The following CAMTA1 variants were observed in gnomAD, a reference collection of about 807,000 sequenced individuals.
CAMTA1 encodes calmodulin-binding transcription activator 1.
In CAMTA1, 27 loss-of-function variants were observed where a neutral mutation model predicts 170.9. The observed-to-expected ratio is 0.16, with a 90% confidence interval of 0.12 to 0.22. The LOEUF is 0.22. Ranked by LOEUF, CAMTA1 falls within the 10% of genes least tolerant of loss-of-function variation. The probability of loss-of-function intolerance (pLI) is 1.00; values close to 1 mark genes in which losing one functional copy is unlikely to be tolerated. For synonymous variants in CAMTA1, 833 were observed against 891.5 expected, an observed-to-expected ratio of 0.93 and a Z score of 1.17; for missense variants, 1,619 against 2,217.2, an observed-to-expected ratio of 0.73 and a Z score of 5.42.
intron 5 of CAMTA1, among the ~76,000 whole-genome samples, chr1:7,450,483 G>A (rs1486888120): frequency 1.3e-5 from 2 of 152,230 alleles, no homozygotes; most frequent in Non-Finnish European, 2.9e-5. Context: ...GATGGAAGGG[G>A]CCTCTGCAGC....
chr1:7,253,296 C>T (rs1666894151), intron 5 of CAMTA1, among the ~76,000 whole-genome samples: 3 of 152,214 alleles, frequency 2.0e-5, no homozygotes, highest in Admixed American at 6.5e-5. Flanking sequence ...GCTTTGTGGT[C>T]GGATGAGCTG....
intron 11 of CAMTA1, among the ~76,000 whole-genome samples, chr1:7,724,541 T>C (rs2096670490): frequency 6.6e-6 from 1 of 152,106 alleles, no homozygotes; most frequent in African/African-American, 2.4e-5. Flanking sequence ...TTCAAAAGAT[T>C]GCATGTATGG....
intron 4 of CAMTA1, among the ~76,000 whole-genome samples, chr1:7,122,571 A>G (rs995097359): frequency 1.3e-5 from 2 of 152,166 alleles, no homozygotes; most frequent in African/African-American, 4.8e-5. Flanking sequence ...GTCCACCAGC[A>G]TGCCGTCTGA....
intron 7 of CAMTA1, among the ~76,000 whole-genome samples, chr1:7,655,295 C>CACA (rs540045167): frequency 0.081 from 11,749 of 145,944 alleles, 641 homozygotes; most frequent in Non-Finnish European, 0.12. Context: ...CACACACACA[C>CACA]CTATACACAC....
intron 6 of CAMTA1, among the ~76,000 whole-genome samples, chr1:7,557,308 G>GAAA (rs34354980): frequency 1.6e-5 from 2 of 128,844 alleles, no homozygotes; most frequent in Admixed American, 7.9e-5. Context: ...ACTCCGTTCA[G>GAAA]AAAAAAAAAA....
In CAMTA1 at chr1:7,224,123, C is replaced by G. The variant is rs200754073; in HGVS notation, c.303-25368C>G. ...TGGGGCACCTTAACGTTTGTAGCAC[C>G]TTTACATAAAGCCAGAGTGCTCAAG... On this transcript the variant is annotated intron_variant, in intron 4 of 22. Coordinates refer to ENST00000303635, the MANE Select transcript of CAMTA1 (RefSeq NM_015215.4). This position sits in a 1 kb window ranked among gnomAD's most constrained non-coding sequence, Gnocchi z 5.2. 1.6e-4 allele frequency among the ~76,000 whole-genome samples: 24 copies of G among 152,308 alleles called. No individual in the cohort carries two copies. In the East Asian group the frequency reaches 4.6e-3, roughly 29 times the overall value.
At chr1:7,000,781 T>C (rs1183237033) in intron 3 of CAMTA1, among the ~76,000 whole-genome samples, 2 of 151,670 alleles carry the variant, frequency 1.3e-5, no homozygotes, top group Non-Finnish European at 3.0e-5. Context: ...TTCTGGTGAC[T>C]TCTAATGGGC....
At chr1:7,015,558 C>A (rs565098750) in intron 3 of CAMTA1, among the ~76,000 whole-genome samples, 1 of 152,264 alleles carries the variant, frequency 6.6e-6, no homozygotes, top group East Asian at 1.9e-4. Flanking sequence ...GTTAAATTGA[C>A]GTTTTTGGGG....
chr1:6,900,526 A>G (rs1000423713), intron 3 of CAMTA1, among the ~76,000 whole-genome samples: 3 of 152,164 alleles, frequency 2.0e-5, no homozygotes, highest in Non-Finnish European at 4.4e-5. Context: ...TGCAAACAAC[A>G]TGATTATGAA....
chr1:7,730,791 T>G (rs2096726184), intron 11 of CAMTA1, among the ~76,000 whole-genome samples: 1 of 151,998 alleles, frequency 6.6e-6, no homozygotes, highest in Non-Finnish European at 1.5e-5. Flanking sequence ...CCCAGCTACT[T>G]GGGTGGCTGA....
chr1:7,060,304 C>G (rs944346639), intron 3 of CAMTA1, among the ~76,000 whole-genome samples: 1 of 152,230 alleles, frequency 6.6e-6, no homozygotes, highest in Non-Finnish European at 1.5e-5. Context: ...ACGGTGTCTT[C>G]TTGCCCTGTC....
chr1:7,217,776 G>C (rs6693822), intron 4 of CAMTA1, among the ~76,000 whole-genome samples: 149,169 of 152,304 alleles, frequency 0.98, 73,071 homozygotes, highest in East Asian at 1. Flanking sequence ...GCTTATACAA[G>C]CATCACTGAG....
At chr1:7,328,500 A>G (rs2082830157) in intron 5 of CAMTA1, among the ~76,000 whole-genome samples, 1 of 152,160 alleles carries the variant, frequency 6.6e-6, no homozygotes, top group South Asian at 2.1e-4. Flanking sequence ...GTCTCAATAA[A>G]TAAATAAATA....
rs1372890350 is a variant in CAMTA1 at position 7,680,814 on chromosome 1, G to GA, written c.2914+3081_2914+3082insA. Among the ~76,000 whole-genome samples, 18 of 45,662 alleles carry GA rather than the reference G, an allele frequency of 3.9e-4. No homozygotes were observed. Among genetic ancestry groups the GA allele is most frequent in the African/African-American group, 7.7e-4 (10 of 12,966 alleles). The allele number at this position is 45,662 out of a possible 152,430, so 30.0% of individuals were successfully genotyped here. Reference sequence around the variant, plus strand: ...TTGTTTGCTTGGCTAAAGGCCGGGGGGGGGCGTGGGTCCGGGGCGCAGAGA... The same window carrying GA: ...TTGTTTGCTTGGCTAAAGGCCGGGGGAGGGGCGTGGGTCCGGGGCGCAGAGA... On this transcript the variant is annotated intron_variant, in intron 11 of 22. Transcript: ENST00000303635. This position sits in a 1 kb window ranked among gnomAD's most constrained non-coding sequence, Gnocchi z 4.4.
intron 3 of CAMTA1, among the ~76,000 whole-genome samples, chr1:7,039,583 G>A (rs1182190412): frequency 1.3e-5 from 2 of 152,156 alleles, no homozygotes; most frequent in East Asian, 1.9e-4. Context: ...TATGTGGGGC[G>A]ATTTATCTCA....
rs548326866 is a variant in CAMTA1, at chr1:7,351,092, G to A, written c.438+101466G>A. Among the ~76,000 whole-genome samples the A allele has an allele frequency of 7.2e-5, 11 of 152,312 alleles. No homozygotes were observed. The South Asian group carries it at 8.3e-4, about 11-fold the overall frequency. On this transcript the variant is annotated intron_variant, in intron 5 of 22. Transcript: ENST00000303635. Reference sequence around the variant, plus strand: ...TTTGGTGGTGGCAGACCTCAGCGTCGTAGGAAACCTAGGAATTGTGGGGAC... The same window carrying A: ...TTTGGTGGTGGCAGACCTCAGCGTCATAGGAAACCTAGGAATTGTGGGGAC...
intron 1 of CAMTA1, among the ~76,000 whole-genome samples, chr1:6,798,804 G>T (rs955465918): frequency 3.3e-5 from 5 of 151,410 alleles, no homozygotes; most frequent in African/African-American, 1.2e-4. Context: ...CACCTTGTTA[G>T]CCAGGATGGT....
chr1:7,379,448 G>T (rs2087104500), intron 5 of CAMTA1, among the ~76,000 whole-genome samples: 2 of 152,180 alleles, frequency 1.3e-5, no homozygotes, highest in African/African-American at 4.8e-5. Flanking sequence ...TATCTGCAGA[G>T]ATTCATTTCC....
chr1:7,242,625 T>C (rs1332747221), intron 4 of CAMTA1, among the ~76,000 whole-genome samples: 1 of 152,080 alleles, frequency 6.6e-6, no homozygotes, highest in African/African-American at 2.4e-5. Flanking sequence ...CCAATTTCAC[T>C]TATGAAAAAC....
Sources: gnomAD v4.1 joint callset for allele counts (sites outside exome capture counted in the v4.1 genomes callset) on GRCh38, gnomAD v4.1.1 for gene constraint, Gnocchi (gnomAD v3.1) non-coding constraint, MANE v1.5 for transcripts, NCBI Gene and HGNC (gene_info 2026-07-23, HGNC 2026-07-21) for gene names.